The following ELP4 variants were observed in gnomAD, a reference collection of about 807,000 sequenced individuals.
ELP4 encodes the protein elongator acetyltransferase complex subunit 4, also known as elongator complex protein 4.
Under a neutral mutation model 48.9 loss-of-function variants are expected in ELP4, and 51 were observed. The observed-to-expected ratio is 1.04, with a 90% CI of 0.83 to 1.32. ELP4 has a LOEUF of 1.32. Among genes scored for constraint, ELP4 ranks in the 40% most tolerant of loss-of-function variants. ELP4 has a pLI of 0.00. For missense variants in ELP4, 519 were observed against 514.6 expected, an observed-to-expected ratio of 1.01 and a Z score of -0.08; for synonymous variants, 210 against 189.2, an observed-to-expected ratio of 1.11 and a Z score of -0.90.
chr11:31,663,521 A>G (rs1945605520), intron 9 of ELP4: 1 of 152,058 alleles, frequency 6.6e-6, no homozygotes, highest in Non-Finnish European at 1.5e-5. Context: ...GAGAGGCATA[A>G]GGATACATTT....
chr11:31,789,597 T>C lies in ELP4; in HGVS notation c.*6073T>C, dbSNP rs954349552. The C allele has an allele frequency of 3.3e-6, 2 of 606,160 alleles. No individual in the cohort carries two copies. Among genetic ancestry groups the C allele is most frequent in the African/African-American group, 1.9e-5 (1 of 53,250 alleles). The allele number at this position is 606,160 out of a possible 1,614,324, so 37.5% of individuals were successfully genotyped here. ...CTTTTTAAAAAAAAAAAAAACAACT[T>C]CATGACCAACACAGATCAAACATCC... On this transcript the variant is annotated 3_prime_UTR_variant, in exon 10 of 10. Transcript: ENST00000640961.
rs1012477159 is a variant in ELP4, at chr11:31,512,840, A to G, written c.223+2833A>G. Among the ~76,000 whole-genome samples, 33 of 135,046 alleles carry G rather than the reference A, an allele frequency of 2.4e-4. No individual in the cohort carries two copies. The East Asian group carries it at 7.8e-3, about 32-fold the overall frequency. 88.6% of individuals were successfully genotyped at this position (135,046 alleles called of 152,430 possible). ...CCCAACCCCATTCCCTGTAAAAGGT[A>G]TATACTCCATCATAGAACCATATAT... is the stretch of plus-strand genomic sequence containing the variant. On this transcript the variant is annotated intron_variant, in intron 1 of 9. Transcript: ENST00000640961.
chr11:31,520,209 AAATT>A (rs1461446055), intron 2 of ELP4, 118 bp downstream of exon 2: 9 of 827,512 alleles, frequency 1.1e-5, no homozygotes, highest in Non-Finnish European at 1.7e-5. Context: ...AAGTTAAGAT[AAATT>A]AGAGAGGAAT....
rs3026396 is a variant in ELP4, at chr11:31,787,775, G to A, written c.*4251G>A. On this transcript the variant is annotated 3_prime_UTR_variant, in exon 10 of 10. Coordinates refer to ENST00000640961, the MANE Select transcript of ELP4 (RefSeq NM_019040.5). ...TAAAATTATTAGTATATTTCATGCCGGAGCAATGAATCTCAATTATCTGTT... is the reference window on the plus strand; with the variant it reads ...TAAAATTATTAGTATATTTCATGCCAGAGCAATGAATCTCAATTATCTGTT... The A allele has an allele frequency of 4.4e-6, 1 of 227,204 alleles. No individual in the cohort carries two copies. Among genetic ancestry groups the A allele is most frequent in the South Asian group, 1.8e-4 (1 of 5,480 alleles). 14.1% of individuals were successfully genotyped at this position (227,204 alleles called of 1,614,324 possible).
chr11:31,528,464 C>G (rs1956334830), intron 2 of ELP4, among the ~76,000 whole-genome samples: 1 of 152,098 alleles, frequency 6.6e-6, no homozygotes, highest in Admixed American at 6.5e-5. Flanking sequence ...AGACTTTTGT[C>G]ATAAATTTGC....
intron 4 of ELP4, chr11:31,600,221 CCA>C (rs1957755111): frequency 3.0e-5 from 2 of 66,538 alleles, no homozygotes; most frequent in Non-Finnish European, 9.6e-5. Flanking sequence ...CTTTTCTTCA[CCA>C]TGTGATTTTA....
intron 9 of ELP4, chr11:31,719,683 T>C (rs1946918507): frequency 2.6e-6 from 1 of 384,608 alleles, no homozygotes; most frequent in Non-Finnish European, 4.6e-6. Context: ...ATAAGAATTA[T>C]ATCTCATTAA....
intron 9 of ELP4, among the ~76,000 whole-genome samples, chr11:31,678,275 C>T (rs898913292): frequency 1.3e-5 from 2 of 151,962 alleles, no homozygotes; most frequent in African/African-American, 4.8e-5. Flanking sequence ...AATGAGACCC[C>T]TGTCTCTGCA....
rs1948626192 is a variant in ELP4, at chr11:31,786,379, A to G, written c.*2855A>G. The G allele has an allele frequency of 4.7e-6, 1 of 212,462 alleles. No individual in the cohort carries two copies. The highest frequency in any genetic ancestry group is 1.9e-4 in the South Asian group (1 of 5,330). The allele number at this position is 212,462 out of a possible 1,614,324, so 13.2% of individuals were successfully genotyped here. On this transcript the variant is annotated 3_prime_UTR_variant, in exon 10 of 10. Transcript: ENST00000640961. ...TATTGAAATAAGCAGTACTAACCCT[A>G]AGTACTTACACTTTGAACTTTAAAA...
In ELP4 at chr11:31,741,245, G is replaced by C. The variant is rs563321992; in HGVS notation, c.1144-42148G>C. 2.6e-5 allele frequency among the ~76,000 whole-genome samples: 4 copies of C among 152,306 alleles called. No individual in the cohort carries two copies. The East Asian group carries it at 7.8e-4, about 30-fold the overall frequency. ...GTTTGATTAGGTAAACAAAGCGGCCGGTAAGCTGGAACTGGGTGGAGCCCA... is the reference window on the plus strand; with the variant it reads ...GTTTGATTAGGTAAACAAAGCGGCCCGTAAGCTGGAACTGGGTGGAGCCCA... On this transcript the variant is annotated intron_variant, in intron 9 of 9. Coordinates refer to ENST00000640961, the MANE Select transcript of ELP4 (RefSeq NM_019040.5).
intron 9 of ELP4, among the ~76,000 whole-genome samples, chr11:31,705,530 T>C (rs1250852688): frequency 6.6e-6 from 1 of 152,220 alleles, no homozygotes; most frequent in Non-Finnish European, 1.5e-5. Context: ...AAACTACTGC[T>C]TTATACACTT....
At chr11:31,524,472 A>T (rs561985017) in intron 2 of ELP4, among the ~76,000 whole-genome samples, 6 of 152,354 alleles carry the variant, frequency 3.9e-5, no homozygotes, top group African/African-American at 1.4e-4. Context: ...ATAGGTTTTC[A>T]TAACAGAAAT....
At chr11:31,526,073 T>G (rs1166722744) in intron 2 of ELP4, among the ~76,000 whole-genome samples, 1 of 152,162 alleles carries the variant, frequency 6.6e-6, no homozygotes, top group Non-Finnish European at 1.5e-5. Flanking sequence ...ATTGAGGATG[T>G]ACTGTGTGCT....
intron 3 of ELP4, among the ~76,000 whole-genome samples, chr11:31,545,713 A>G (rs1254064898): frequency 6.6e-6 from 1 of 152,182 alleles, no homozygotes; most frequent in African/African-American, 2.4e-5. Flanking sequence ...TGAAGGAAAA[A>G]ATGTTAAGGG....
At chr11:31,730,072 A>G (rs913677256) in intron 9 of ELP4, among the ~76,000 whole-genome samples, 6 of 152,212 alleles carry the variant, frequency 3.9e-5, no homozygotes, top group Admixed American at 1.3e-4. Context: ...GGATACTCCC[A>G]CACCCCAGGC....
chr11:31,675,169 G>A (rs1235504539), intron 9 of ELP4, among the ~76,000 whole-genome samples: 1 of 152,178 alleles, frequency 6.6e-6, no homozygotes, highest in Non-Finnish European at 1.5e-5. Context: ...GAAGAGTTAA[G>A]GGCAGGACAG....
chr11:31,560,684 A>ATTATTTTATATATATATAAAACAACT (rs1957004892), intron 3 of ELP4, among the ~76,000 whole-genome samples: 1 of 108,802 alleles, frequency 9.2e-6, no homozygotes, highest in African/African-American at 3.4e-5. Context: ...TAAAGACCAC[A>ATTATTTTATATATATATAAAACAACT]TTGTTTTATA....
At chr11:31,712,452 C>T (rs1377911632) in intron 9 of ELP4, among the ~76,000 whole-genome samples, 1 of 151,938 alleles carries the variant, frequency 6.6e-6, no homozygotes, top group Non-Finnish European at 1.5e-5. Flanking sequence ...TACATATCTG[C>T]AATAGTAGCT....
intron 9 of ELP4, among the ~76,000 whole-genome samples, chr11:31,726,351 A>T (rs188452100): frequency 6.5e-4 from 99 of 152,216 alleles, no homozygotes; most frequent in African/African-American, 2.3e-3. Flanking sequence ...AGGAAAGGAG[A>T]CCAGGGAACT....
Sources: gnomAD v4.1 joint callset for allele counts (sites outside exome capture counted in the v4.1 genomes callset) on GRCh38, gnomAD v4.1.1 for gene constraint, MANE v1.5 for transcripts, NCBI Gene and HGNC (gene_info 2026-07-23, HGNC 2026-07-21) for gene names.